WWOX: variants seen among roughly 807,000 people sequenced by gnomAD.
WWOX encodes the protein WW domain-containing oxidoreductase.
WWOX carries 69 observed loss-of-function variants against 46.2 expected under a neutral mutation model. The ratio of observed to expected loss-of-function variants is 1.49; its 90% confidence interval spans 1.23 to 1.82. The LOEUF (loss-of-function observed/expected upper bound fraction) is 1.82. Among genes scored for constraint, WWOX ranks in the 40% most tolerant of loss-of-function variants. The pLI, the probability that WWOX is intolerant of heterozygous loss-of-function variation, is 0.00. For synonymous variants in WWOX, 359 were observed against 202.6 expected (o/e 1.77, Z -6.56); for missense variants, 919 against 542.6 (o/e 1.69, Z -6.89).
chr16:78,505,420 G>C (rs2085170514), intron 8 of WWOX, among the ~76,000 whole-genome samples: 3 of 152,194 alleles, frequency 2.0e-5, no homozygotes. Flanking sequence ...TGAGATGGAA[G>C]AGACTGGAGA....
intron 8 of WWOX, among the ~76,000 whole-genome samples, chr16:78,978,548 C>T (rs1427924464): frequency 6.6e-6 from 1 of 152,108 alleles, no homozygotes; most frequent in Non-Finnish European, 1.5e-5. Flanking sequence ...TGGGTAATGG[C>T]TGAAGAAAAG....
chr16:78,756,889 C>A (rs2049662769), intron 8 of WWOX: 3 of 702,922 alleles, frequency 4.3e-6, no homozygotes, highest in South Asian at 3.0e-5. Context: ...CGAGGCTAGA[C>A]CATAAAAATA....
At chr16:78,495,042 T>C (rs1306528733) in intron 8 of WWOX, among the ~76,000 whole-genome samples, 1 of 152,158 alleles carries the variant, frequency 6.6e-6, no homozygotes, top group South Asian at 2.1e-4. Flanking sequence ...AAAGTGAGGA[T>C]GTTTCATTGA....
intron 8 of WWOX, among the ~76,000 whole-genome samples, chr16:78,819,884 C>T (rs776529724): frequency 1.3e-5 from 2 of 152,284 alleles, no homozygotes; most frequent in East Asian, 1.9e-4. Flanking sequence ...GACTTGAACT[C>T]GATTCTGAGT....
chr16:78,254,502 G>GTT (rs59706959), intron 5 of WWOX, among the ~76,000 whole-genome samples: 2,243 of 91,552 alleles, frequency 0.024, 187 homozygotes, highest in East Asian at 0.23. Context: ...TTTCTTTCTT[G>GTT]TTTTTTTTTT....
At chr16:78,189,333 C>T (rs6564514) in intron 5 of WWOX, among the ~76,000 whole-genome samples, 118,356 of 152,172 alleles carry the variant, frequency 0.78, 46,745 homozygotes, top group African/African-American at 0.94. Flanking sequence ...TCACTTCCCA[C>T]TGCCTCTTGG....
At chr16:78,759,096 G>T (rs1458466936) in intron 8 of WWOX, among the ~76,000 whole-genome samples, 1 of 152,114 alleles carries the variant, frequency 6.6e-6, no homozygotes, top group Non-Finnish European at 1.5e-5. Flanking sequence ...AGTACAAGTT[G>T]TATATGGGTG....
At chr16:78,503,976 T>C (rs562198739) in intron 8 of WWOX, among the ~76,000 whole-genome samples, 6 of 152,268 alleles carry the variant, frequency 3.9e-5, no homozygotes, top group East Asian at 1.9e-4. Flanking sequence ...CTGCAAGTTA[T>C]GTTTTTTTTA....
At chr16:78,105,513 A>T (rs989316191) in intron 1 of WWOX, among the ~76,000 whole-genome samples, 1 of 151,920 alleles carries the variant, frequency 6.6e-6, no homozygotes, top group African/African-American at 2.4e-5. Context: ...TGAGAATAAG[A>T]AACCCTGATT....
At chr16:78,550,955 C>T (rs2044158931) in intron 8 of WWOX, 1 of 152,124 alleles carries the variant, frequency 6.6e-6, no homozygotes, top group Non-Finnish European at 1.5e-5. Flanking sequence ...ATGCATGACA[C>T]TGTCTTTTGA....
chr16:78,875,041 T>TA (rs1423379242), intron 8 of WWOX, among the ~76,000 whole-genome samples: 2 of 152,164 alleles, frequency 1.3e-5, no homozygotes, highest in Non-Finnish European at 2.9e-5. Flanking sequence ...CTGAGAAAGT[T>TA]ACTATTTCAT....
chr16:78,278,842 C>G, intron 5 of WWOX: 1 of 610,330 alleles, frequency 1.6e-6, no homozygotes, highest in Non-Finnish European at 2.8e-6. Flanking sequence ...TGCTTTACGA[C>G]TCTTCAGGTG....
At chr16:79,145,055 G>A (rs2050160018) in intron 8 of WWOX, among the ~76,000 whole-genome samples, 1 of 152,158 alleles carries the variant, frequency 6.6e-6, no homozygotes, top group Admixed American at 6.6e-5. Context: ...CTGTAAGTGA[G>A]CGCGTTCTTG....
At chr16:78,805,707 A>C (rs940328995) in intron 8 of WWOX, among the ~76,000 whole-genome samples, 5 of 152,212 alleles carry the variant, frequency 3.3e-5, no homozygotes, top group African/African-American at 9.6e-5. Context: ...GGAGTGTCAA[A>C]AATAAGTCAC....
At position 78,843,913 on chromosome 16, in the gene WWOX, G is replaced by A. The variant is rs140324478; in HGVS notation, c.1057-367695G>A. On this transcript the variant is annotated intron_variant, in intron 8 of 8. Transcript: ENST00000566780. ...TTGGTAGCGTTTCAGCTGTCCACTC[G>A]GTTCCTAATGGCAGAGCAACACCGA... Among the ~76,000 whole-genome samples the A allele has an allele frequency of 2.2e-3, 330 of 152,120 alleles. 1 individual carries two copies. The highest frequency in any genetic ancestry group is 6.8e-3 in the Middle Eastern group (2 of 292).
intron 5 of WWOX, chr16:78,168,007 G>A (rs1260472316): frequency 6.6e-6 from 1 of 152,106 alleles, no homozygotes; most frequent in Admixed American, 6.5e-5. Flanking sequence ...TGTTACCTAC[G>A]ATGAATCACA....
intron 8 of WWOX, among the ~76,000 whole-genome samples, chr16:78,692,446 A>G (rs1456258875): frequency 1.3e-5 from 2 of 152,204 alleles, no homozygotes; most frequent in African/African-American, 2.4e-5. Context: ...AAGGAATTAC[A>G]GAAGAGTGAT....
chr16:78,960,655 A>G (rs533438913), intron 8 of WWOX, among the ~76,000 whole-genome samples: 1 of 152,334 alleles, frequency 6.6e-6, no homozygotes, highest in South Asian at 2.1e-4. Context: ...GTCTGGAGGG[A>G]ACAGAGAGCC....
At chr16:78,577,409 C>G (rs1175088086) in intron 8 of WWOX, among the ~76,000 whole-genome samples, 1 of 152,156 alleles carries the variant, frequency 6.6e-6, no homozygotes, top group Non-Finnish European at 1.5e-5. Flanking sequence ...GCACTGCGGC[C>G]ATGAGTAAAG....
Sources: gnomAD v4.1 joint callset for allele counts (sites outside exome capture counted in the v4.1 genomes callset) on GRCh38, gnomAD v4.1.1 for gene constraint, MANE v1.5 for transcripts, NCBI Gene and HGNC (gene_info 2026-07-23, HGNC 2026-07-21) for gene names.